Variants in SH3PXD2B observed in about 807,000 individuals in gnomAD.
SH3PXD2B encodes the protein SH3 and PX domain-containing protein 2B.
Under a neutral mutation model 73.1 loss-of-function variants are expected in SH3PXD2B, and 37 were observed. The observed-to-expected ratio is 0.51, with a 90% confidence interval of 0.39 to 0.67. The LOEUF (loss-of-function observed/expected upper bound fraction) is 0.67, where lower values mean the gene tolerates loss of function less well. Ranked by LOEUF, SH3PXD2B falls within the 30% of genes least tolerant of loss-of-function variation. The pLI is 0.00. For missense variants in SH3PXD2B, 1,053 were observed against 1,197.8 expected (o/e 0.88, Z 1.78); for synonymous variants, 457 against 480.5 (o/e 0.95, Z 0.64).
intron 3 of SH3PXD2B, 93 bp from the exon 4 acceptor site, chr5:172,394,732 A>G: frequency 7.3e-7 from 1 of 1,373,296 alleles, no homozygotes; most frequent in Non-Finnish European, 1.0e-6. Flanking sequence ...TTCCTAGGGT[A>G]GGTCTGAGTG....
Position 172,339,435 on chromosome 5 carries a change from G to A in SH3PXD2B, c.1670C>T (p.Pro557Leu), listed in dbSNP as rs1756793138. The change falls in exon 13 of 13, where the codon CCG (proline) becomes CTG (leucine). Residue 557 changes from proline (P) to leucine (L), a missense_variant. Physicochemically the swap from Pro to Leu is moderately conservative, Grantham distance 98. Transcript: ENST00000311601. This position sits in a 1 kb window ranked among gnomAD's most constrained non-coding sequence, Gnocchi z 6.1. ...TGGCATCATCGGCAAAATCACGCCC[G>A]GAGGCTTGGGAGTGGGGCCCCGGAG... ...EQLRGPTPKP[P>L]GVILPMMPAK... 3 of 1,614,088 alleles carry A rather than the reference G, an allele frequency of 1.9e-6. No individual in the cohort carries two copies. Among genetic ancestry groups the A allele is most frequent in the South Asian group, 1.1e-5 (1 of 91,092 alleles).
At position 172,356,122 on chromosome 5, in the gene SH3PXD2B, G is replaced by A. The variant is rs192159704; in HGVS notation, c.668-2117C>T. On this transcript the variant is annotated intron_variant, in intron 8 of 12. Coordinates refer to ENST00000311601, the MANE Select transcript of SH3PXD2B (RefSeq NM_001017995.3). ...CCCACCGTGACTGGTTTTATGGATG[G>A]CAAGTGACCCTACTGGGTCAGCTGG... Among the ~76,000 whole-genome samples the A allele has an allele frequency of 2.5e-3, 375 of 152,200 alleles. 12 individuals carry two copies. Among genetic ancestry groups the A allele is most frequent in the Admixed American group, 0.023 (348 of 15,284 alleles).
chr5:172,374,488 C>T (rs1757779362), intron 5 of SH3PXD2B, among the ~76,000 whole-genome samples: 2 of 152,182 alleles, frequency 1.3e-5, no homozygotes, highest in Admixed American at 1.3e-4. Context: ...TTGAGACCAG[C>T]CTGGCCAACA....
intron 12 of SH3PXD2B, among the ~76,000 whole-genome samples, chr5:172,340,184 G>C (rs1345987317): frequency 6.6e-6 from 1 of 152,180 alleles, no homozygotes; most frequent in Non-Finnish European, 1.5e-5. Flanking sequence ...TTTGAGAGTT[G>C]GTCCTAGGAA....
chr5:172,337,237 C>A lies in SH3PXD2B; in HGVS notation c.*1132G>T. On this transcript the variant is annotated 3_prime_UTR_variant, in exon 13 of 13. Transcript: ENST00000311601. ...TGGGTGTGGGAGCAGCCACGAATGC[C>A]CCCTCACCCCCCTCACAATGAAGCC... 1.0e-6 allele frequency: 1 copy of A among 985,474 alleles called. No homozygotes were observed. Among genetic ancestry groups the A allele is most frequent in the South Asian group, 4.7e-5 (1 of 21,288 alleles). The allele number at this position is 985,474 out of a possible 1,614,324, so 61.0% of individuals were successfully genotyped here.
At chr5:172,342,640 A>AG (rs1756884348) in intron 12 of SH3PXD2B, among the ~76,000 whole-genome samples, 2 of 152,194 alleles carry the variant, frequency 1.3e-5, no homozygotes, top group South Asian at 4.1e-4. Flanking sequence ...ATGCGCCTGT[A>AG]ATCCCAGCTA....
chr5:172,333,096 C>T (rs1215537362), downstream of SH3PXD2B, among the ~76,000 whole-genome samples: 1 of 24,418 alleles, frequency 4.1e-5, no homozygotes, highest in Admixed American at 5.0e-4. Context: ...ACACCACGCC[C>T]GGCGAATTTT....
intron 12 of SH3PXD2B, among the ~76,000 whole-genome samples, chr5:172,342,709 C>T (rs1756886541): frequency 6.6e-6 from 1 of 151,938 alleles, no homozygotes; most frequent in African/African-American, 2.4e-5. Context: ...TGCAGTGAGC[C>T]GAGATCGTGC....
chr5:172,406,163 C>T, intron 3 of SH3PXD2B, 114 bp downstream of exon 3: 1 of 1,176,182 alleles, frequency 8.5e-7, no homozygotes, highest in Non-Finnish European at 1.2e-6. Context: ...AGATTCTGGT[C>T]AGTGGGATGG....
At chr5:172,424,451 C>A (rs938854610) in intron 1 of SH3PXD2B, among the ~76,000 whole-genome samples, 15 of 152,206 alleles carry the variant, frequency 9.9e-5, no homozygotes, top group African/African-American at 3.4e-4. Context: ...TAGCCAGAGT[C>A]TCTTTTCAAA....
Position 172,454,412 on chromosome 5 carries a change from G to C in SH3PXD2B, c.-60C>G, listed in dbSNP as rs1759886187. 2 of 1,097,348 alleles carry C rather than the reference G, an allele frequency of 1.8e-6. No individual in the cohort carries two copies. Among genetic ancestry groups the C allele is most frequent in the South Asian group, 8.7e-5 (2 of 22,986 alleles). The allele number at this position is 1,097,348 out of a possible 1,614,324, so 68.0% of individuals were successfully genotyped here. A position where few individuals can be genotyped will look rare whatever the true frequency, so the allele number is the denominator to read the frequency against. On this transcript the variant is annotated 5_prime_UTR_variant, in exon 1 of 13. Transcript: ENST00000311601. ...GTGCGGGTGGCGCGGGGTGCAGGGA[G>C]CGCTGGGGGCGCGCCGCCGCGGGCA...
At chr5:172,377,040 C>A (rs145483929) in intron 5 of SH3PXD2B, among the ~76,000 whole-genome samples, 3 of 152,314 alleles carry the variant, frequency 2.0e-5, no homozygotes, top group East Asian at 3.9e-4. Flanking sequence ...TCCAGGCCTG[C>A]GACCTGAGCC....
intron 3 of SH3PXD2B, among the ~76,000 whole-genome samples, chr5:172,397,554 C>A (rs182362184): frequency 1.3e-5 from 2 of 152,358 alleles, no homozygotes; most frequent in East Asian, 3.9e-4. Flanking sequence ...CTCCCCCGGA[C>A]ACCCAGCTTT....
In SH3PXD2B at chr5:172,336,196, G is replaced by GA. The variant is rs1189289858; in HGVS notation, c.*2172dup. Reference sequence around the variant, plus strand: ...TCGCTGAAAGGCAAAGAGCAAATCAGAAAAAAACATGTGTTTTGTCTTTTG... The same window carrying GA: ...TCGCTGAAAGGCAAAGAGCAAATCAGAAAAAAAACATGTGTTTTGTCTTTTG... On this transcript the variant is annotated 3_prime_UTR_variant, in exon 13 of 13. Coordinates refer to ENST00000311601, the MANE Select transcript of SH3PXD2B (RefSeq NM_001017995.3). 1.0e-6 allele frequency: 1 copy of GA among 985,530 alleles called. No homozygotes were observed. The highest frequency in any genetic ancestry group is 1.2e-6 in the Non-Finnish European group (1 of 830,008). The allele number at this position is 985,530 out of a possible 1,614,324, so 61.0% of individuals were successfully genotyped here. A position where few individuals can be genotyped will look rare whatever the true frequency, so the allele number is the denominator to read the frequency against.
At chr5:172,398,874 G>A (rs1167077451) in intron 3 of SH3PXD2B, among the ~76,000 whole-genome samples, 1 of 152,180 alleles carries the variant, frequency 6.6e-6, no homozygotes, top group Non-Finnish European at 1.5e-5. Context: ...GTTATCTAGA[G>A]TACAGCCGTT....
chr5:172,392,151 T>G (rs899010364), intron 4 of SH3PXD2B, among the ~76,000 whole-genome samples: 1 of 152,022 alleles, frequency 6.6e-6, no homozygotes, highest in Non-Finnish European at 1.5e-5. Flanking sequence ...AATATGAATA[T>G]ATTTGGAGAT....
rs1187792673 is a variant in SH3PXD2B, at chr5:172,351,397, G to A, written c.786-808C>T. Among the ~76,000 whole-genome samples the A allele has an allele frequency of 2.0e-5, 3 of 152,112 alleles. No individual in the cohort carries two copies. The East Asian group carries it at 5.8e-4, about 29-fold the overall frequency. On this transcript the variant is annotated intron_variant, in intron 9 of 12. Transcript: ENST00000311601. ...CCTGTCTCGGCCTCCCAAAGTGTTGGGATTACAGGTGTGAGCCACCACGCT... is the reference window on the plus strand; with the variant it reads ...CCTGTCTCGGCCTCCCAAAGTGTTGAGATTACAGGTGTGAGCCACCACGCT...
intron 2 of SH3PXD2B, among the ~76,000 whole-genome samples, chr5:172,409,803 C>T (rs1758649804): frequency 6.6e-6 from 1 of 152,212 alleles, no homozygotes; most frequent in African/African-American, 2.4e-5. Context: ...GCAGCCTCCG[C>T]CTCCTGGGTT....
In SH3PXD2B at chr5:172,350,536, C is replaced by T. The variant is rs757814556; in HGVS notation, c.839G>A (p.Gly280Glu). 6.2e-7 allele frequency: 1 copy of T among 1,613,854 alleles called. No individual in the cohort carries two copies. The highest frequency in any genetic ancestry group is 2.2e-5 in the East Asian group (1 of 44,864). ...APASYLKKNS[G>E]EPLPPKPGPG... The stretch of plus-strand genomic sequence containing the variant: ...GCCTGGCTTCGGGGGCAAGGGCTCC[C>T]CACTGTTCTTCTTTAGGTAGGAGGC... Residue 280 changes from glycine to glutamate, a missense_variant, in exon 10 of 13, where the codon GGG (glycine) becomes GAG (glutamate). This residue lies in a region of SH3PXD2B where 466 missense variants were observed against 607.1 expected (regional missense o/e 0.77). Coordinates refer to ENST00000311601, the MANE Select transcript of SH3PXD2B (RefSeq NM_001017995.3).
Sources: allele counts gnomAD v4.1 joint callset (sites outside exome capture counted in the v4.1 genomes callset), GRCh38; gene constraint gnomAD v4.1.1; regional missense constraint gnomAD v4.1.1; non-coding constraint Gnocchi (gnomAD v3.1); transcripts MANE v1.5; gene names NCBI Gene and HGNC (gene_info 2026-07-23, HGNC 2026-07-21).